Variants in CXCL13 observed in about 807,000 individuals in gnomAD.
CXCL13 encodes C-X-C motif chemokine 13.
CXCL13 carries 7 observed loss-of-function variants against 12.2 expected under a neutral mutation model. The ratio of observed to expected loss-of-function variants is 0.57; its 90% CI spans 0.33 to 1.07. The LOEUF is 1.07. CXCL13 is among the 50% of genes least tolerant of loss of function. The pLI, the probability that CXCL13 is intolerant of heterozygous loss-of-function variation, is 0.04. For synonymous variants in CXCL13, 47 were observed against 42.4 expected (o/e 1.11, Z -0.42); for missense variants, 113 against 127.4 (o/e 0.89, Z 0.55).
At chr4:77,523,788 G>A (rs116642825) in intron 1 of CXCL13, among the ~76,000 whole-genome samples, 2 of 152,182 alleles carry the variant, frequency 1.3e-5, no homozygotes, top group African/African-American at 4.8e-5. Flanking sequence ...AGGAGAAGAG[G>A]TCCTCTGGTT....
At chr4:77,517,492 T>C (rs1402381537) in intron 1 of CXCL13, among the ~76,000 whole-genome samples, 1 of 152,246 alleles carries the variant, frequency 6.6e-6, no homozygotes, top group Non-Finnish European at 1.5e-5. Flanking sequence ...TGGGTGCTCC[T>C]GTATTGGGTG....
intron 1 of CXCL13, among the ~76,000 whole-genome samples, chr4:77,517,552 C>A (rs1724458640): frequency 1.3e-5 from 2 of 152,272 alleles, no homozygotes; most frequent in South Asian, 4.1e-4. Context: ...ATCCCTTTAC[C>A]ACTATGTAAT....
intron 1 of CXCL13, among the ~76,000 whole-genome samples, chr4:77,531,472 G>C (rs1160062252): frequency 6.6e-6 from 1 of 151,762 alleles, no homozygotes; most frequent in Non-Finnish European, 1.5e-5. Context: ...CCAACTATAT[G>C]CTCAATTTTG....
At position 77,611,123 on chromosome 4, in the gene CXCL13, C is replaced by A; in HGVS notation, c.*84C>A. On this transcript the variant is annotated 3_prime_UTR_variant, in exon 4 of 4. Coordinates refer to ENST00000682537, the MANE Select transcript of CXCL13 (RefSeq NM_001371558.1). ...GTTTTGTGCTTAGTTAAATCTTTTC[C>A]AGGAAAAAGAACTTCCCCATACAAA... 2 of 1,192,616 alleles carry A rather than the reference C, an allele frequency of 1.7e-6. No homozygotes were observed. The highest frequency in any genetic ancestry group is 1.3e-5 in the South Asian group (1 of 74,770). The allele number at this position is 1,192,616 out of a possible 1,614,324, so 73.9% of individuals were successfully genotyped here.
At chr4:77,609,200 C>A (rs965582282) in intron 2 of CXCL13, among the ~76,000 whole-genome samples, 3 of 152,058 alleles carry the variant, frequency 2.0e-5, no homozygotes, top group Admixed American at 6.6e-5. Context: ...CTAAGATTTA[C>A]GTGCAAAAGT....
At chr4:77,556,433 T>C (rs1725660820) in intron 1 of CXCL13, among the ~76,000 whole-genome samples, 1 of 152,114 alleles carries the variant, frequency 6.6e-6, no homozygotes, top group Non-Finnish European at 1.5e-5. Context: ...AGTAGTTACT[T>C]GTGTCTGGTG....
intron 1 of CXCL13, among the ~76,000 whole-genome samples, chr4:77,576,345 G>T (rs1209278786): frequency 6.6e-6 from 1 of 152,176 alleles, no homozygotes; most frequent in African/African-American, 2.4e-5. Flanking sequence ...TAATAATTGA[G>T]TAAGTTATAC....
intron 1 of CXCL13, among the ~76,000 whole-genome samples, chr4:77,535,770 C>A (rs1725044256): frequency 6.6e-6 from 1 of 152,092 alleles, no homozygotes; most frequent in Admixed American, 6.6e-5. Context: ...ATAACTAGAT[C>A]AGCTGATAGA....
chr4:77,548,966 G>T (rs988556321), intron 1 of CXCL13, among the ~76,000 whole-genome samples: 13 of 152,170 alleles, frequency 8.5e-5, no homozygotes, highest in African/African-American at 3.1e-4. Flanking sequence ...TCACTTTCAG[G>T]TATACCAATC....
rs1039380600 is a variant in CXCL13, at chr4:77,524,313, G to A, written c.-43+12525G>A. Among the ~76,000 whole-genome samples the A allele has an allele frequency of 2.0e-5, 3 of 152,196 alleles. No homozygotes were observed. In the East Asian group the frequency reaches 5.8e-4, roughly 29 times the overall value. ...TCTGCAGAAGTTTCTGCTGCCTTTTGTTCAGCTATCCCCTGCCTACAGAGG... is the reference window on the plus strand; with the variant it reads ...TCTGCAGAAGTTTCTGCTGCCTTTTATTCAGCTATCCCCTGCCTACAGAGG... On this transcript the variant is annotated intron_variant, in intron 1 of 4. Transcript: ENST00000286758.
At chr4:77,580,969 A>C (rs1300892555) in intron 1 of CXCL13, among the ~76,000 whole-genome samples, 2 of 151,498 alleles carry the variant, frequency 1.3e-5, no homozygotes, top group African/African-American at 4.9e-5. Flanking sequence ...ACAAAAAAAA[A>C]CCTATCCCCT....
intron 1 of CXCL13, among the ~76,000 whole-genome samples, chr4:77,519,204 TG>T (rs1724510171): frequency 6.6e-6 from 1 of 152,170 alleles, no homozygotes; most frequent in Non-Finnish European, 1.5e-5. Context: ...CTGCCCCTAC[TG>T]GGGGATGCCT....
chr4:77,555,744 C>A (rs999050133), intron 1 of CXCL13, among the ~76,000 whole-genome samples: 5 of 152,038 alleles, frequency 3.3e-5, no homozygotes, highest in African/African-American at 4.8e-5. Context: ...GATGAAAGAC[C>A]TGTATCCAGA....
chr4:77,534,078 C>A (rs1444991895), intron 1 of CXCL13, among the ~76,000 whole-genome samples: 1 of 152,202 alleles, frequency 6.6e-6, no homozygotes, highest in Non-Finnish European at 1.5e-5. Context: ...TGAGATGAAC[C>A]TGGTACCTCA....
At chr4:77,565,266 C>T (rs939586149) in intron 1 of CXCL13, among the ~76,000 whole-genome samples, 6 of 152,204 alleles carry the variant, frequency 3.9e-5, no homozygotes, top group African/African-American at 1.4e-4. Flanking sequence ...TGGGCAGTCA[C>T]TTCAACTGGG....
At chr4:77,563,533 A>C (rs1415360864) in intron 1 of CXCL13, among the ~76,000 whole-genome samples, 2 of 152,230 alleles carry the variant, frequency 1.3e-5, no homozygotes, top group Non-Finnish European at 2.9e-5. Context: ...TTAAGATAGC[A>C]GAAGAGTAAC....
intron 1 of CXCL13, among the ~76,000 whole-genome samples, chr4:77,515,269 A>C (rs1023361065): frequency 1.3e-5 from 2 of 152,212 alleles, no homozygotes; most frequent in Non-Finnish European, 2.9e-5. Flanking sequence ...CTTTTGGCTT[A>C]GGATTGACAT....
chr4:77,541,763 G>T (rs766408928), intron 1 of CXCL13, among the ~76,000 whole-genome samples: 1 of 152,128 alleles, frequency 6.6e-6, no homozygotes, highest in Non-Finnish European at 1.5e-5. Flanking sequence ...AATTAAATTG[G>T]TAGCTTAATA....
chr4:77,596,677 G>A (rs750496620), intron 1 of CXCL13, among the ~76,000 whole-genome samples: 16 of 151,606 alleles, frequency 1.1e-4, no homozygotes, highest in Non-Finnish European at 1.9e-4. Flanking sequence ...CCCAGCTACT[G>A]GGGAGGTTGA....
Sources: gnomAD v4.1 joint callset for allele counts (sites outside exome capture counted in the v4.1 genomes callset) on GRCh38, gnomAD v4.1.1 for gene constraint, MANE v1.5 for transcripts, NCBI Gene and HGNC (gene_info 2026-07-23, HGNC 2026-07-21) for gene names.